HSPA9: variants seen among roughly 807,000 people sequenced by gnomAD.
HSPA9 encodes heat shock protein family A (Hsp70) member 9, also known as stress-70 protein, mitochondrial.
In HSPA9, 28 loss-of-function variants were observed where a neutral mutation model predicts 81.5. The observed-to-expected ratio is 0.34, with a 90% CI of 0.25 to 0.47. The LOEUF is 0.47. Ranked by LOEUF, HSPA9 falls within the 20% of genes least tolerant of loss-of-function variation. The pLI is 1.00. For synonymous variants in HSPA9, 293 were observed against 290.4 expected (o/e 1.01, Z -0.09); for missense variants, 678 against 838.0 (o/e 0.81, Z 2.36).
Position 138,574,739 on chromosome 5 carries a change from T to C in HSPA9, c.81+499A>G, listed in dbSNP as rs147374117. ...TTTCTCCGCCCCACGATCTGCTTTTTTTTCTGAAGTAACAAACGAGTACAA... is the reference window on the plus strand; with the variant it reads ...TTTCTCCGCCCCACGATCTGCTTTTCTTTCTGAAGTAACAAACGAGTACAA... On this transcript the variant is annotated intron_variant, in intron 1 of 16. Transcript: ENST00000297185. 176 of 165,730 alleles carry C rather than the reference T, an allele frequency of 1.1e-3. 1 individual carries two copies. The highest frequency in any genetic ancestry group is 1.8e-3 in the Non-Finnish European group (134 of 76,014). The allele number at this position is 165,730 out of a possible 1,614,324, so 10.3% of individuals were successfully genotyped here. A position where few individuals can be genotyped will look rare whatever the true frequency, so the allele number is the denominator to read the frequency against.
intron 4 of HSPA9, 124 bp downstream of exon 4, chr5:138,570,836 C>T: frequency 1.1e-6 from 1 of 922,046 alleles, no homozygotes; most frequent in South Asian, 1.3e-5. Flanking sequence ...CAGATTTCCC[C>T]TAGGGACAAT....
In HSPA9 at chr5:138,571,110, G is replaced by C; in HGVS notation, c.260C>G (p.Thr87Ser). 1.2e-6 allele frequency: 2 copies of C among 1,614,062 alleles called. No individual in the cohort carries two copies. The highest frequency in any genetic ancestry group is 1.7e-6 in the Non-Finnish European group (2 of 1,180,032). ...VLENAEGART[T>S]PSVVAFTADG... Reference sequence around the variant, plus strand: ...TGCTGTAAAGGCCACAACTGAAGGGGTGGTTCTGGCACCTTCGGCATTCTC... The same window carrying C: ...TGCTGTAAAGGCCACAACTGAAGGGCTGGTTCTGGCACCTTCGGCATTCTC... The change falls in exon 4 of 17, where the codon ACC becomes AGC. Residue 87 changes from threonine to serine, a missense_variant. By Grantham distance (58) the Thr-to-Ser change is moderately conservative. This residue lies in a region of HSPA9 where 484 missense variants were observed against 647.5 expected (regional missense o/e 0.75). Transcript: ENST00000297185.
At chr5:138,573,626 T>G (rs1269940039) in intron 3 of HSPA9, 137 bp downstream of exon 3, 17 of 602,178 alleles carry the variant, frequency 2.8e-5, no homozygotes, top group Non-Finnish European at 4.5e-5. Context: ...CACCATGGGC[T>G]ATAGAGACTG....
chr5:138,575,181 G>T, intron 1 of HSPA9, 57 bp downstream of exon 1: 1 of 1,249,724 alleles, frequency 8.0e-7, no homozygotes, highest in East Asian at 2.4e-5. Flanking sequence ...CCGCAGCGAA[G>T]CCCGAGGCCC....
chr5:138,574,054 G>C lies in HSPA9; in HGVS notation c.140+14C>G, dbSNP rs1430821893. On this transcript the variant is annotated intron_variant, in intron 2 of 16. Coordinates refer to ENST00000297185, the MANE Select transcript of HSPA9 (RefSeq NM_004134.7). Reference sequence around the variant, plus strand: ...ATATGTATTCCCTCTCAAAGGAAATGATATTATACTTACGCATAATCCCGC... The same window carrying C: ...ATATGTATTCCCTCTCAAAGGAAATCATATTATACTTACGCATAATCCCGC... 6.3e-7 allele frequency: 1 copy of C among 1,597,364 alleles called. No homozygotes were observed. The highest frequency in any genetic ancestry group is 8.6e-7 in the Non-Finnish European group (1 of 1,164,970).
chr5:138,567,964 C>T (rs1750800430), intron 5 of HSPA9, among the ~76,000 whole-genome samples: 1 of 151,754 alleles, frequency 6.6e-6, no homozygotes, highest in Non-Finnish European at 1.5e-5. Flanking sequence ...GCGGGCAGAT[C>T]ACCTAAGGTT....
chr5:138,561,007 T>A (rs771905051), intron 10 of HSPA9: 1 of 478,714 alleles, frequency 2.1e-6, no homozygotes, highest in East Asian at 5.6e-5. Context: ...ATAATCCTAT[T>A]TAGGCTACCA....
Position 138,557,424 on chromosome 5 carries a change from G to C in HSPA9, c.1706C>G (p.Ala569Gly). Residue 569 changes from alanine (A) to glycine (G), a missense_variant, in exon 14 of 17, where the codon GCT becomes GGT. Around this residue, in one of 4 missense-constraint regions of HSPA9, gnomAD observed 484 missense variants for 647.5 expected, o/e 0.75. Transcript: ENST00000297185. ...CACCTTCTTTCGCCGGTCTTCTTCA[G>C]CATATTTCTCTGCATTTTTAACCAT... ...ENMVKNAEKY[A>G]EEDRRKKERV... 1 of 1,608,774 alleles carries C rather than the reference G, an allele frequency of 6.2e-7. No individual in the cohort carries two copies. Among genetic ancestry groups the C allele is most frequent in the South Asian group, 1.1e-5 (1 of 90,676 alleles).
At chr5:138,568,604 A>C (rs1401911091) in intron 5 of HSPA9, among the ~76,000 whole-genome samples, 1 of 151,048 alleles carries the variant, frequency 6.6e-6, no homozygotes, top group Non-Finnish European at 1.5e-5. Context: ...TGACCTTTAG[A>C]CTTACAACAG....
intron 14 of HSPA9, chr5:138,557,170 C>T (rs903951449): frequency 2.8e-5 from 17 of 612,482 alleles, no homozygotes; most frequent in African/African-American, 2.4e-4. Context: ...CAACCTATGA[C>T]ATGTCCAAAC....
At chr5:138,569,741 C>T (rs1750837914) in intron 4 of HSPA9, among the ~76,000 whole-genome samples, 1 of 152,108 alleles carries the variant, frequency 6.6e-6, no homozygotes. Flanking sequence ...GACAGAGACA[C>T]ACACAGTCTT....
intron 3 of HSPA9, among the ~76,000 whole-genome samples, chr5:138,573,452 G>A (rs1750995391): frequency 1.3e-5 from 2 of 152,072 alleles, no homozygotes; most frequent in African/African-American, 4.8e-5. Context: ...TTGAGCTCAA[G>A]ACCAGCCTGG....
At chr5:138,568,186 A>AAAAC (rs1287469713) in intron 5 of HSPA9, among the ~76,000 whole-genome samples, 6 of 148,330 alleles carry the variant, frequency 4.0e-5, no homozygotes, top group South Asian at 2.2e-4. Flanking sequence ...CTCTTGTCTC[A>AAAAC]AAACAAACAA....
chr5:138,565,750 G>A (rs139861649), intron 9 of HSPA9, among the ~76,000 whole-genome samples: 3 of 152,252 alleles, frequency 2.0e-5, no homozygotes, highest in Non-Finnish European at 4.4e-5. Context: ...GGTCTCATTT[G>A]TCACCCAGGC....
intron 3 of HSPA9, among the ~76,000 whole-genome samples, chr5:138,572,248 T>C (rs1448816319): frequency 6.6e-6 from 1 of 151,990 alleles, no homozygotes; most frequent in East Asian, 1.9e-4. Flanking sequence ...ATTTACATTT[T>C]AAAAACTGCT....
At chr5:138,566,885 T>A (rs1750777963) in intron 8 of HSPA9, 116 bp downstream of exon 8, 1 of 1,201,210 alleles carries the variant, frequency 8.3e-7, no homozygotes, top group East Asian at 2.3e-5. Context: ...CTGAAAAGAG[T>A]ATCTGTGTCT....
rs1470686747 is a variant in HSPA9 at position 138,556,770 on chromosome 5, T to A, written c.1821+4A>T. ...CTCTTGAGTTACTTTAAAATAGAAC[T>A]CACCTCATCAGCAGGTAATTGGTCC... On this transcript the variant is annotated splice_donor_region_variant and intron_variant, in intron 15 of 16. Coordinates refer to ENST00000297185, the MANE Select transcript of HSPA9 (RefSeq NM_004134.7). 1 of 1,608,640 alleles carries A rather than the reference T, an allele frequency of 6.2e-7. No individual in the cohort carries two copies. Among genetic ancestry groups the A allele is most frequent in the South Asian group, 1.1e-5 (1 of 90,958 alleles).
At chr5:138,558,384 G>T (rs1442233003) in intron 12 of HSPA9, among the ~76,000 whole-genome samples, 169 bp downstream of exon 12, 1 of 151,752 alleles carries the variant, frequency 6.6e-6, no homozygotes, top group African/African-American at 2.4e-5. Context: ...AAAAAGCAAG[G>T]CTTTCAGGTA....
At chr5:138,560,555 TTTCTTC>T (rs200820752) in intron 10 of HSPA9, among the ~76,000 whole-genome samples, 3 of 143,580 alleles carry the variant, frequency 2.1e-5, no homozygotes, top group African/African-American at 7.8e-5. Context: ...GGGGATACTT[TTTCTTC>T]TTCTTTTTTT....
Sources: gnomAD v4.1 joint callset for allele counts (sites outside exome capture counted in the v4.1 genomes callset) on GRCh38, gnomAD v4.1.1 for gene constraint, gnomAD v4.1.1 regional missense constraint, MANE v1.5 for transcripts, NCBI Gene and HGNC (gene_info 2026-07-23, HGNC 2026-07-21) for gene names.